The following NUP153 variants were observed in gnomAD, a reference collection of about 807,000 sequenced individuals.
NUP153 encodes nuclear pore complex protein Nup153.
A neutral mutation model predicts 134.6 loss-of-function variants in NUP153; 27 were observed. The ratio of observed to expected loss-of-function variants is 0.20; its 90% CI spans 0.15 to 0.28. The LOEUF is 0.28. Ranked by LOEUF, NUP153 falls within the 10% of genes least tolerant of loss-of-function variation. NUP153 has a pLI of 1.00. For synonymous variants in NUP153, 640 were observed against 623.5 expected (o/e 1.03, Z -0.40); for missense variants, 1,821 against 1,731.3 (o/e 1.05, Z -0.92).
At chr6:17,663,412 C>A (rs1767328493) in intron 9 of NUP153, among the ~76,000 whole-genome samples, 2 of 152,152 alleles carry the variant, frequency 1.3e-5, no homozygotes, top group African/African-American at 4.8e-5. Context: ...TACAGACACG[C>A]ACCACCACAT....
chr6:17,662,816 GA>G (rs1767274840), intron 9 of NUP153, among the ~76,000 whole-genome samples: 1 of 152,130 alleles, frequency 6.6e-6, no homozygotes. Flanking sequence ...GTAGGTAACT[GA>G]AATCTAATCA....
Position 17,628,633 on chromosome 6 carries a change from A to C in NUP153, c.3544+22T>G. On this transcript the variant is annotated intron_variant, in intron 18 of 21. Coordinates refer to ENST00000262077, the MANE Select transcript of NUP153 (RefSeq NM_005124.4). The surrounding 1 kb of genome is among the most constrained non-coding windows in gnomAD (Gnocchi z 5.4). The stretch of plus-strand genomic sequence containing the variant: ...TGTAAAAAAAAAAATAATAATAATA[A>C]TAATAAAAAGTTAATACTTACCAGC... 8.1e-7 allele frequency: 1 copy of C among 1,235,954 alleles called. No homozygotes were observed. Among genetic ancestry groups the C allele is most frequent in the Non-Finnish European group, 1.0e-6 (1 of 975,478 alleles). The allele number at this position is 1,235,954 out of a possible 1,614,324, so 76.6% of individuals were successfully genotyped here. A position where few individuals can be genotyped will look rare whatever the true frequency, so the allele number is the denominator to read the frequency against.
In NUP153 at chr6:17,673,058, CAA is replaced by C. The variant is rs1386026060; in HGVS notation, c.852+1845_852+1846del. On this transcript the variant is annotated intron_variant, in intron 5 of 21. Transcript: ENST00000262077. ...ATACACACACACGCACACACACACACAAAAGATGTCATCAAAAGTAAAACTTC... is the reference window on the plus strand; with the variant it reads ...ATACACACACACGCACACACACACACAAGATGTCATCAAAAGTAAAACTTC... Among the ~76,000 whole-genome samples, 3 of 152,222 alleles carry C rather than the reference CAA, an allele frequency of 2.0e-5. No individual in the cohort carries two copies. The South Asian group carries it at 6.2e-4, about 32-fold the overall frequency.
intron 8 of NUP153, among the ~76,000 whole-genome samples, chr6:17,665,853 T>A (rs1303406059): frequency 2.0e-5 from 3 of 151,934 alleles, no homozygotes; most frequent in African/African-American, 7.3e-5. Context: ...CCCGGCTAAT[T>A]TTTTTGGTTT....
Position 17,624,718 on chromosome 6 carries a change from T to C in NUP153, c.4017A>G (p.Pro1339=), listed in dbSNP as rs1198872358. ...QSQGASQPNP[P]GFGSISSSTA... ...TGGAAGATGATATAGATCCAAAGCC[T>C]GGGGGATTGGGCTGGCTGGCACCTT... The change falls in exon 20 of 22, where the codon CCA becomes CCG. Residue 1339 remains proline (P), a synonymous_variant. Transcript: ENST00000262077. 1 of 1,614,120 alleles carries C rather than the reference T, an allele frequency of 6.2e-7. No individual in the cohort carries two copies. Among genetic ancestry groups the C allele is most frequent in the Admixed American group, 1.7e-5 (1 of 60,018 alleles).
chr6:17,628,619 AAAT>A lies in NUP153; in HGVS notation c.3544+33_3544+35del, dbSNP rs1554136719. 1.7e-5 allele frequency: 20 copies of A among 1,159,100 alleles called. No individual in the cohort carries two copies. Among genetic ancestry groups the A allele is most frequent in the African/African-American group, 1.1e-4 (7 of 61,686 alleles). The allele number at this position is 1,159,100 out of a possible 1,614,324, so 71.8% of individuals were successfully genotyped here. On this transcript the variant is annotated intron_variant, in intron 18 of 21. Coordinates refer to ENST00000262077, the MANE Select transcript of NUP153 (RefSeq NM_005124.4). The surrounding 1 kb of genome is among the most constrained non-coding windows in gnomAD (Gnocchi z 5.4). ...GTAAAACGACAACTTGTAAAAAAAA[AAAT>A]AATAATAATAATAATAAAAAGTTAA... is the stretch of plus-strand genomic sequence containing the variant.
chr6:17,685,691 T>C (rs1768882903), intron 2 of NUP153, among the ~76,000 whole-genome samples: 2 of 152,188 alleles, frequency 1.3e-5, no homozygotes, highest in Admixed American at 6.5e-5. Flanking sequence ...GTCATGCTAA[T>C]GTAAATAAAC....
chr6:17,643,590 C>A (rs931560440), intron 14 of NUP153, among the ~76,000 whole-genome samples: 2 of 152,050 alleles, frequency 1.3e-5, no homozygotes, highest in Admixed American at 6.6e-5. Context: ...TAGTAATTTA[C>A]GGTAAAATGT....
chr6:17,643,297 C>A (rs1765951489), intron 14 of NUP153, among the ~76,000 whole-genome samples: 1 of 152,184 alleles, frequency 6.6e-6, no homozygotes, highest in South Asian at 2.1e-4. Flanking sequence ...CATGACGAAA[C>A]CCCTTCTCTA....
At chr6:17,691,667 A>T (rs954676937) in intron 1 of NUP153, among the ~76,000 whole-genome samples, 1 of 152,224 alleles carries the variant, frequency 6.6e-6, no homozygotes, top group African/African-American at 2.4e-5. Context: ...AGAGAGGCTG[A>T]GGCAGGAGAA....
chr6:17,623,213 G>T (rs1764739015), intron 20 of NUP153, among the ~76,000 whole-genome samples: 1 of 151,568 alleles, frequency 6.6e-6, no homozygotes, highest in Non-Finnish European at 1.5e-5. Flanking sequence ...TCATATTAGA[G>T]GAAAAAATCC....
intron 8 of NUP153, 55 bp from the exon 9 acceptor site, chr6:17,665,440 T>C (rs1427110030): frequency 1.4e-6 from 2 of 1,458,022 alleles, no homozygotes; most frequent in East Asian, 2.3e-5. Flanking sequence ...CAATGATTCA[T>C]ATCTAAATTT....
At chr6:17,640,344 T>C (rs1054301351) in intron 14 of NUP153, among the ~76,000 whole-genome samples, 1 of 151,900 alleles carries the variant, frequency 6.6e-6, no homozygotes, top group Non-Finnish European at 1.5e-5. Context: ...ATCAAAACAA[T>C]CAAACTAAAA....
intron 11 of NUP153, among the ~76,000 whole-genome samples, chr6:17,660,367 TTAAGC>T (rs1176566017): frequency 6.6e-6 from 1 of 152,112 alleles, no homozygotes; most frequent in Non-Finnish European, 1.5e-5. Flanking sequence ...ACTCAAATGG[TTAAGC>T]TAAGCTGAAA....
intron 2 of NUP153, among the ~76,000 whole-genome samples, chr6:17,684,942 C>A (rs1219634830): frequency 1.3e-5 from 2 of 152,068 alleles, no homozygotes; most frequent in Non-Finnish European, 2.9e-5. Context: ...AAAACAATTA[C>A]AATAGTAATA....
At chr6:17,626,523 C>T (rs1313644191) in intron 18 of NUP153, among the ~76,000 whole-genome samples, 1 of 152,184 alleles carries the variant, frequency 6.6e-6, no homozygotes, top group Non-Finnish European at 1.5e-5. Context: ...ATTTATATTA[C>T]AGTATGTGGC....
intron 8 of NUP153, among the ~76,000 whole-genome samples, chr6:17,668,270 G>A (rs1343433347): frequency 6.6e-6 from 1 of 151,668 alleles, no homozygotes; most frequent in Non-Finnish European, 1.5e-5. Flanking sequence ...AGTAGAGACA[G>A]GGTTTCACCA....
intron 1 of NUP153, among the ~76,000 whole-genome samples, chr6:17,702,250 G>A (rs1485475697): frequency 1.3e-5 from 2 of 152,186 alleles, no homozygotes; most frequent in Non-Finnish European, 1.5e-5. Context: ...GCTCATGCCT[G>A]TAATACCAGC....
chr6:17,632,846 T>TTA lies in NUP153; in HGVS notation c.2465-3_2465-2insTA, dbSNP rs1554137480. 1.2e-5 allele frequency: 10 copies of TTA among 865,242 alleles called. 1 individual carries two copies. In the Admixed American group the frequency reaches 1.2e-4, roughly 11 times the overall value. The allele number at this position is 865,242 out of a possible 1,614,324, so 53.6% of individuals were successfully genotyped here. On this transcript the variant is annotated splice_polypyrimidine_tract_variant and splice_region_variant and intron_variant, in intron 16 of 21. Coordinates refer to ENST00000262077, the MANE Select transcript of NUP153 (RefSeq NM_005124.4). ...TACTTGAAGCAGGTACTGAACTTCC[T>TTA]AAAAAAAAAAAAAAAAACGGGGAGT... is the stretch of plus-strand genomic sequence containing the variant.
Sources: gnomAD v4.1 joint callset for allele counts (sites outside exome capture counted in the v4.1 genomes callset) on GRCh38, gnomAD v4.1.1 for gene constraint, Gnocchi (gnomAD v3.1) non-coding constraint, MANE v1.5 for transcripts, NCBI Gene and HGNC (gene_info 2026-07-23, HGNC 2026-07-21) for gene names.